Variants in SGCD observed in about 807,000 individuals in gnomAD.
SGCD encodes delta-sarcoglycan.
Under a neutral mutation model 36.6 loss-of-function variants are expected in SGCD, and 18 were observed. The observed-to-expected ratio is 0.49, with a 90% CI of 0.34 to 0.73. The LOEUF is 0.73. SGCD is among the 30% of genes least tolerant of loss of function. The pLI is 0.01. For missense variants in SGCD, 387 were observed against 346.7 expected, an observed-to-expected ratio of 1.12 and a Z score of -0.92; for synonymous variants, 133 against 130.6, an observed-to-expected ratio of 1.02 and a Z score of -0.12.
chr5:156,631,491 T>G (rs79258400), intron 6 of SGCD, among the ~76,000 whole-genome samples: 12,326 of 150,616 alleles, frequency 0.082, 652 homozygotes, highest in Non-Finnish European at 0.12. Flanking sequence ...AAAAGATAAT[T>G]GGTTCAACAT....
At chr5:156,229,300 A>ATATATATATATATATAT (rs1477607808) in intron 3 of SGCD, among the ~76,000 whole-genome samples, 112 of 125,962 alleles carry the variant, frequency 8.9e-4, no homozygotes, top group Non-Finnish European at 1.1e-3. Context: ...ATATATATAT[A>ATATATATATATATATAT]AAATTAGTTC....
intron 7 of SGCD, among the ~76,000 whole-genome samples, chr5:156,723,553 A>T (rs1755618295): frequency 6.6e-6 from 1 of 152,252 alleles, no homozygotes; most frequent in Admixed American, 6.5e-5. Context: ...GCAGTTAACC[A>T]TGCTATGAAG....
At chr5:156,422,591 C>T (rs1045576938) in intron 3 of SGCD, among the ~76,000 whole-genome samples, 1 of 151,986 alleles carries the variant, frequency 6.6e-6, no homozygotes, top group Non-Finnish European at 1.5e-5. Flanking sequence ...TCTAGAATCT[C>T]CACATTCATG....
intron 3 of SGCD, among the ~76,000 whole-genome samples, chr5:156,232,833 C>T (rs2127652132): frequency 6.6e-6 from 1 of 152,284 alleles, no homozygotes; most frequent in South Asian, 2.1e-4. Context: ...TCCTGCTGTA[C>T]ATTCCCCTAC....
intron 3 of SGCD, among the ~76,000 whole-genome samples, chr5:156,300,705 T>G (rs1156872677): frequency 6.6e-6 from 1 of 152,088 alleles, no homozygotes; most frequent in Non-Finnish European, 1.5e-5. Context: ...ATGCTGAAAC[T>G]GTGGTGTTGA....
At position 156,615,388 on chromosome 5, in the gene SGCD, C is replaced by T. The variant is rs554310485; in HGVS notation, c.502+20337C>T. On this transcript the variant is annotated intron_variant, in intron 6 of 8. Transcript: ENST00000337851. ...CACTTGATGCTAATTATCTGAGTTA[C>T]ATTATTATCAATTGAAAAACATTTT... 3.3e-5 allele frequency among the ~76,000 whole-genome samples: 5 copies of T among 152,278 alleles called. No homozygotes were observed. In the East Asian group the frequency reaches 7.7e-4, roughly 23 times the overall value.
chr5:155,844,449 G>GTGTA, the SGCD span, among the ~76,000 whole-genome samples: 6 of 151,826 alleles, frequency 4.0e-5, no homozygotes, highest in Admixed American at 3.3e-4. Context: ...GTGTGTGTGT[G>GTGTA]TGTGTGTTAT....
chr5:156,041,750 T>C (rs958334847), intron 1 of SGCD, among the ~76,000 whole-genome samples: 2 of 152,108 alleles, frequency 1.3e-5, no homozygotes, highest in African/African-American at 2.4e-5. Flanking sequence ...AGGAAGATCA[T>C]CATAAGGCAA....
chr5:156,515,093 C>T lies in SGCD; in HGVS notation c.294+6391C>T, dbSNP rs560783199. Among the ~76,000 whole-genome samples the T allele has an allele frequency of 4.6e-5, 7 of 152,118 alleles. No homozygotes were observed. In the East Asian group the frequency reaches 5.8e-4, roughly 13 times the overall value. ...AGACTTATTACTCTCAAAGAAAACC[C>T]GTTTTATATTCAGTAGCTTTTAGTT... is the stretch of plus-strand genomic sequence containing the variant. On this transcript the variant is annotated intron_variant, in intron 4 of 8. Transcript: ENST00000337851.
intron 3 of SGCD, among the ~76,000 whole-genome samples, chr5:156,230,077 T>C (rs71591053): frequency 1.1e-4 from 16 of 152,294 alleles, no homozygotes; most frequent in Middle Eastern, 6.8e-3. Flanking sequence ...TGTGTCTTTT[T>C]ATAACTTCCT....
the SGCD span, among the ~76,000 whole-genome samples, chr5:155,830,551 G>A: frequency 6.6e-6 from 1 of 152,138 alleles, no homozygotes; most frequent in African/African-American, 2.4e-5. Context: ...CTCTTGCTCT[G>A]ACAGCAGGAC....
intron 3 of SGCD, among the ~76,000 whole-genome samples, chr5:156,255,661 T>C (rs1306194714): frequency 6.6e-6 from 1 of 152,098 alleles, no homozygotes. Context: ...ATACTTTTCT[T>C]TTTTTGTTTC....
chr5:156,109,218 G>A (rs1761724069), intron 1 of SGCD, among the ~76,000 whole-genome samples: 1 of 152,186 alleles, frequency 6.6e-6, no homozygotes, highest in South Asian at 2.1e-4. Context: ...TTACCTTCTT[G>A]TGAAGTAACA....
chr5:155,967,482 A>G (rs1039448962), intron 1 of SGCD, among the ~76,000 whole-genome samples: 1 of 152,044 alleles, frequency 6.6e-6, no homozygotes, highest in Non-Finnish European at 1.5e-5. Flanking sequence ...CTAAGAGATG[A>G]GGGTACAAGC....
chr5:155,968,358 A>G (rs1424641567), intron 1 of SGCD, among the ~76,000 whole-genome samples: 1 of 152,076 alleles, frequency 6.6e-6, no homozygotes, highest in East Asian at 1.9e-4. Context: ...ATTTTTATTT[A>G]CTATATGAGT....
intron 7 of SGCD, among the ~76,000 whole-genome samples, chr5:156,689,205 G>T (rs1448322323): frequency 6.6e-6 from 1 of 152,186 alleles, no homozygotes; most frequent in African/African-American, 2.4e-5. Flanking sequence ...TGGGCAAAGG[G>T]TATAGAGGAA....
chr5:156,599,948 C>G (rs370324461), intron 6 of SGCD, among the ~76,000 whole-genome samples: 83 of 152,206 alleles, frequency 5.5e-4, no homozygotes, highest in African/African-American at 1.9e-3. Flanking sequence ...GAGTACTGAA[C>G]TACACAGTGT....
At chr5:156,230,090 C>T (rs954421467) in intron 3 of SGCD, among the ~76,000 whole-genome samples, 1 of 152,060 alleles carries the variant, frequency 6.6e-6, no homozygotes, top group Non-Finnish European at 1.5e-5. Flanking sequence ...AACTTCCTTA[C>T]ATTTGGCTTC....
chr5:155,973,551 G>A (rs1321930547), intron 1 of SGCD, among the ~76,000 whole-genome samples: 1 of 152,130 alleles, frequency 6.6e-6, no homozygotes, highest in Non-Finnish European at 1.5e-5. Flanking sequence ...AAAATGATCA[G>A]ACAAGTAAGA....
Sources: gnomAD v4.1 joint callset for allele counts (sites outside exome capture counted in the v4.1 genomes callset) on GRCh38, gnomAD v4.1.1 for gene constraint, MANE v1.5 for transcripts, NCBI Gene and HGNC (gene_info 2026-07-23, HGNC 2026-07-21) for gene names.